The following MAP4 variants were observed in gnomAD, a reference collection of about 807,000 sequenced individuals.
The protein encoded by MAP4 is microtubule-associated protein 4.
Under a neutral mutation model 170.2 loss-of-function variants are expected in MAP4, and 76 were observed. The ratio of observed to expected loss-of-function variants is 0.45; its 90% CI spans 0.37 to 0.54. MAP4 has a LOEUF of 0.54. MAP4 is among the 20% of genes least tolerant of loss of function. The pLI, the probability that MAP4 is intolerant of heterozygous loss-of-function variation, is 0.00. For synonymous variants in MAP4, 909 were observed against 994.5 expected, an observed-to-expected ratio of 0.91 and a Z score of 1.62; for missense variants, 2,506 against 2,748.0, an observed-to-expected ratio of 0.91 and a Z score of 1.97.
chr3:47,909,053 G>A lies in MAP4; in HGVS notation c.5368C>T (p.Gln1790Ter). The part of the protein sequence containing the change: ...STIQEQERHK[Q>*]LKSAVCLSSS... ...AGGTTCATACCAGCGGACTTCAGTT[G>A]CTTATGTCTCTCTTGTTCCTGGATT... The change falls in exon 9 of 21, where the codon CAA becomes TAA. Residue 1790 changes from glutamine (Q) to a stop codon, truncating the protein, a stop_gained. Coordinates refer to ENST00000683076, the MANE Select transcript of MAP4 (RefSeq NM_001385682.1). LOFTEE classifies it high-confidence loss of function. The A allele has an allele frequency of 6.2e-7, 1 of 1,613,274 alleles. No homozygotes were observed. The highest frequency in any genetic ancestry group is 1.1e-5 in the South Asian group (1 of 90,916).
At chr3:47,985,400 C>G (rs144063923) in intron 2 of MAP4, among the ~76,000 whole-genome samples, 183 of 152,316 alleles carry the variant, frequency 1.2e-3, no homozygotes, top group Middle Eastern at 3.4e-3. Flanking sequence ...GATTGTGCCA[C>G]TGCACTCCAG....
At chr3:47,880,465 GTTTTTTTTTTT>G (rs3079393) in intron 10 of MAP4, among the ~76,000 whole-genome samples, 1 of 106,082 alleles carries the variant, frequency 9.4e-6, no homozygotes, top group Non-Finnish European at 1.8e-5. Context: ...TCCAATTTCA[GTTTTTTTTTTT>G]TTTTTTTTTT....
intron 4 of MAP4, among the ~76,000 whole-genome samples, chr3:47,924,060 A>AC (rs2100044463): frequency 6.6e-6 from 1 of 152,166 alleles, no homozygotes; most frequent in Non-Finnish European, 1.5e-5. Flanking sequence ...AAAATAGATG[A>AC]TTCTTACAGA....
intron 12 of MAP4, among the ~76,000 whole-genome samples, chr3:47,874,683 G>C (rs539123183): frequency 1.3e-5 from 2 of 152,172 alleles, no homozygotes; most frequent in South Asian, 4.2e-4. Context: ...CAAACCTATT[G>C]TTTTCTAAAG....
At chr3:47,974,054 TGC>T in intron 3 of MAP4, 1 of 985,366 alleles carries the variant, frequency 1.0e-6, no homozygotes, top group Non-Finnish European at 1.2e-6. Context: ...CGGAAGTCGC[TGC>T]AAGGATTCAG....
chr3:47,879,195 T>G (rs1042015274), intron 10 of MAP4, among the ~76,000 whole-genome samples: 1 of 151,506 alleles, frequency 6.6e-6, no homozygotes, highest in African/African-American at 2.4e-5. Context: ...AAATAAAGCA[T>G]GGAGAAATTC....
At chr3:47,925,534 G>C (rs757343469) in intron 4 of MAP4, among the ~76,000 whole-genome samples, 1 of 152,076 alleles carries the variant, frequency 6.6e-6, no homozygotes, top group Non-Finnish European at 1.5e-5. Flanking sequence ...CCATATAATG[G>C]AGTATTACGT....
chr3:48,080,777 G>A (rs919509993), intron 1 of MAP4, among the ~76,000 whole-genome samples: 5 of 152,052 alleles, frequency 3.3e-5, no homozygotes, highest in African/African-American at 7.2e-5. Flanking sequence ...TCAGGAGATC[G>A]AGACCATCCT....
chr3:48,037,062 G>A (rs2100119101), intron 1 of MAP4, among the ~76,000 whole-genome samples: 1 of 152,112 alleles, frequency 6.6e-6, no homozygotes, highest in African/African-American at 2.4e-5. Context: ...TTCTTAGTGG[G>A]TCAGAATACA....
chr3:48,058,246 T>TAC (rs1438990637), intron 1 of MAP4, among the ~76,000 whole-genome samples: 1 of 152,188 alleles, frequency 6.6e-6, no homozygotes, highest in African/African-American at 2.4e-5. Flanking sequence ...ACTTAGATAT[T>TAC]ACCTCATTAT....
chr3:47,890,898 G>C, intron 10 of MAP4: 1 of 743,860 alleles, frequency 1.3e-6, no homozygotes, highest in East Asian at 2.8e-5. Context: ...AGGGAATTAA[G>C]CTTTCCCCAG....
intron 1 of MAP4, among the ~76,000 whole-genome samples, chr3:48,003,713 A>G (rs897468176): frequency 2.6e-5 from 4 of 152,140 alleles, no homozygotes; most frequent in African/African-American, 9.7e-5. Context: ...CTGAGCATCA[A>G]CTTGATTGGA....
chr3:47,939,709 GT>G (rs10707025), intron 3 of MAP4, among the ~76,000 whole-genome samples: 58,269 of 142,752 alleles, frequency 0.41, 12,396 homozygotes, highest in African/African-American at 0.6. Context: ...TAAAGAAATA[GT>G]TTTTTTTTTT....
intron 1 of MAP4, among the ~76,000 whole-genome samples, chr3:48,004,435 G>A (rs748314383): frequency 3.3e-4 from 50 of 152,190 alleles, no homozygotes; most frequent in African/African-American, 1.2e-3. Flanking sequence ...AATGAAGCTG[G>A]TTGGTTGCTC....
In MAP4 at chr3:47,911,078, T is replaced by C. The variant is rs1014355341; in HGVS notation, c.3343A>G (p.Lys1115Glu). Reference sequence around the variant, plus strand: ...GAATTCAGCCCCAGCTCCTCACTCTTATCCTGAGTAGTCATTCCTTCAGTT... The same window carrying C: ...GAATTCAGCCCCAGCTCCTCACTCTCATCCTGAGTAGTCATTCCTTCAGTT... ...SKTEGMTTQD[K>E]SEELGLNSSK... The change falls in exon 9 of 21, where the codon AAG (lysine) becomes GAG (glutamate). Residue 1115 changes from lysine to glutamate, a missense_variant. By Grantham distance (56) the Lys-to-Glu change is moderately conservative. Transcript: ENST00000683076. This position sits in a 1 kb window ranked among gnomAD's most constrained non-coding sequence, Gnocchi z 4.0. The C allele has an allele frequency of 4.6e-6, 7 of 1,536,172 alleles. No homozygotes were observed. In the Middle Eastern group the frequency reaches 6.7e-4, roughly 147 times the overall value.
intron 4 of MAP4, among the ~76,000 whole-genome samples, chr3:47,925,065 C>T (rs1054795941): frequency 6.6e-6 from 1 of 152,202 alleles, no homozygotes. Context: ...CTGCCTCAGC[C>T]TCCCAAAGTG....
chr3:47,990,153 T>A (rs1361273451), intron 2 of MAP4, among the ~76,000 whole-genome samples: 1 of 152,192 alleles, frequency 6.6e-6, no homozygotes, highest in Admixed American at 6.5e-5. Flanking sequence ...TACTGGCCAA[T>A]TAAGCTGGTT....
intron 2 of MAP4, among the ~76,000 whole-genome samples, chr3:47,979,517 G>C (rs1033791769): frequency 6.6e-6 from 1 of 152,092 alleles, no homozygotes; most frequent in Non-Finnish European, 1.5e-5. Flanking sequence ...GTGCAGTGGC[G>C]CAATCTTGAC....
At chr3:47,891,106 C>T (rs770458678) in intron 10 of MAP4, 7 of 1,536,274 alleles carry the variant, frequency 4.6e-6, no homozygotes, top group South Asian at 1.2e-5. Context: ...CTGCCAGAGC[C>T]GTCTGTCCTG....
Sources: allele counts gnomAD v4.1 joint callset (sites outside exome capture counted in the v4.1 genomes callset), GRCh38; gene constraint gnomAD v4.1.1; non-coding constraint Gnocchi (gnomAD v3.1); transcripts MANE v1.5; gene names NCBI Gene and HGNC (gene_info 2026-07-23, HGNC 2026-07-21).